The following PDS5B variants were observed in gnomAD, a reference collection of about 807,000 sequenced individuals.
PDS5B encodes the protein PDS5 cohesin associated factor B.
A neutral mutation model predicts 184.1 loss-of-function variants in PDS5B; 51 were observed. The ratio of observed to expected loss-of-function variants is 0.28; its 90% CI spans 0.22 to 0.35. PDS5B has a LOEUF of 0.35. Among genes scored for constraint, PDS5B ranks in the 10% least tolerant of loss-of-function variants. The probability of loss-of-function intolerance (pLI) is 1.00; values close to 1 mark genes in which losing one functional copy is unlikely to be tolerated. For synonymous variants in PDS5B, 566 were observed against 569.2 expected (o/e 0.99, Z 0.08); for missense variants, 1,180 against 1,723.3 (o/e 0.68, Z 5.58).
intron 7 of PDS5B, among the ~76,000 whole-genome samples, chr13:32,669,111 T>C (rs1950869819): frequency 6.6e-6 from 1 of 152,176 alleles, no homozygotes; most frequent in East Asian, 1.9e-4. Context: ...TTTTTCATCA[T>C]TGGCTTAGTG....
At chr13:32,645,046 G>A (rs1176434884) in intron 1 of PDS5B, among the ~76,000 whole-genome samples, 12 of 152,020 alleles carry the variant, frequency 7.9e-5, no homozygotes, top group Admixed American at 7.9e-4. Flanking sequence ...GACTCTCACT[G>A]TGTTGCCTAG....
chr13:32,681,235 C>G (rs1277259968), intron 10 of PDS5B, among the ~76,000 whole-genome samples: 1 of 152,110 alleles, frequency 6.6e-6, no homozygotes, highest in Non-Finnish European at 1.5e-5. Context: ...TCTCCCCTAG[C>G]TGAAATATGA....
At chr13:32,678,543 G>A (rs532315738) in intron 9 of PDS5B, among the ~76,000 whole-genome samples, 9 of 152,248 alleles carry the variant, frequency 5.9e-5, no homozygotes, top group East Asian at 1.9e-4. Context: ...AGAGTATAAC[G>A]TTGATAGGAA....
chr13:32,722,216 C>T (rs1247970295), intron 19 of PDS5B, among the ~76,000 whole-genome samples: 1 of 152,166 alleles, frequency 6.6e-6, no homozygotes. Flanking sequence ...ACCAGTCAGG[C>T]GTGGCGGCGC....
intron 21 of PDS5B, 107 bp downstream of exon 21, chr13:32,735,437 C>G (rs1301237232): frequency 1.4e-6 from 1 of 712,498 alleles, no homozygotes; most frequent in African/African-American, 1.8e-5. Context: ...ATTTGACTGC[C>G]TTGATTTTAG....
intron 33 of PDS5B, among the ~76,000 whole-genome samples, chr13:32,772,404 G>T (rs1954819682): frequency 6.6e-6 from 1 of 152,150 alleles, no homozygotes; most frequent in Non-Finnish European, 1.5e-5. Flanking sequence ...ACCATCTAAT[G>T]GAGTGAGGAA....
At chr13:32,673,464 G>C in intron 8 of PDS5B, 108 bp downstream of exon 8, 3 of 876,828 alleles carry the variant, frequency 3.4e-6, no homozygotes, top group Non-Finnish European at 3.4e-6. Flanking sequence ...AGAGATGAGG[G>C]GGAAGTATTA....
chr13:32,659,046 A>T, intron 5 of PDS5B, 108 bp from the exon 6 acceptor site: 1 of 632,458 alleles, frequency 1.6e-6, no homozygotes, highest in Non-Finnish European at 2.4e-6. Context: ...AATTTTATTT[A>T]ATATTTTAGT....
chr13:32,608,117 C>T (rs905430355), intron 1 of PDS5B, among the ~76,000 whole-genome samples: 2 of 152,194 alleles, frequency 1.3e-5, no homozygotes, highest in African/African-American at 4.8e-5. Flanking sequence ...CACCCGTGTT[C>T]TGCGTCGCTC....
At chr13:32,687,355 A>G (rs1374766170) in intron 12 of PDS5B, 70 bp downstream of exon 12, 2 of 1,207,610 alleles carry the variant, frequency 1.7e-6, no homozygotes, top group Non-Finnish European at 2.3e-6. Flanking sequence ...GTTTTATGCA[A>G]ACTATTTTCT....
At chr13:32,610,219 AGGTAATAC>A (rs1286651642) in intron 1 of PDS5B, among the ~76,000 whole-genome samples, 2 of 152,230 alleles carry the variant, frequency 1.3e-5, no homozygotes, top group East Asian at 3.8e-4. Flanking sequence ...AGGTACGTAT[AGGTAATAC>A]TTGGGAAGTT....
chr13:32,605,267 G>A (rs568384332), intron 1 of PDS5B, among the ~76,000 whole-genome samples: 1 of 152,242 alleles, frequency 6.6e-6, no homozygotes, highest in African/African-American at 2.4e-5. Flanking sequence ...CTGGTATGTT[G>A]TGTCTTTGTT....
In PDS5B at chr13:32,710,114, G is replaced by T; in HGVS notation, c.2123+8G>T. On this transcript the variant is annotated splice_region_variant and intron_variant, in intron 19 of 34. Coordinates refer to ENST00000315596, the MANE Select transcript of PDS5B (RefSeq NM_015032.4). Reference sequence around the variant, plus strand: ...TTTTCCACACATCAGATCGTGAGTTGAGTTTATTTTCAAAAATATTCTGGA... The same window carrying T: ...TTTTCCACACATCAGATCGTGAGTTTAGTTTATTTTCAAAAATATTCTGGA... 7.0e-7 allele frequency: 1 copy of T among 1,436,988 alleles called. No homozygotes were observed. The highest frequency in any genetic ancestry group is 1.7e-5 in the South Asian group (1 of 59,084). 89.0% of individuals were successfully genotyped at this position (1,436,988 alleles called of 1,614,324 possible).
intron 3 of PDS5B, among the ~76,000 whole-genome samples, chr13:32,655,374 A>ATATATATATATATATATTTTTTTTT: frequency 2.8e-5 from 2 of 72,482 alleles, no homozygotes; most frequent in African/African-American, 8.3e-5. Context: ...ATATATATAT[A>ATATATATATATATATATTTTTTTTT]TTTTTTTTTT....
chr13:32,628,145 A>T (rs1284017877), intron 1 of PDS5B, among the ~76,000 whole-genome samples: 1 of 152,220 alleles, frequency 6.6e-6, no homozygotes, highest in Non-Finnish European at 1.5e-5. Flanking sequence ...GATTGCTTTT[A>T]AAAAATACTT....
intron 19 of PDS5B, among the ~76,000 whole-genome samples, chr13:32,716,046 A>T (rs1952392563): frequency 2.1e-3 from 1 of 474 alleles, no homozygotes; most frequent in African/African-American, 9.6e-3. Flanking sequence ...TGGCCTCCCA[A>T]AGTGCCGAGA....
At chr13:32,721,917 C>T (rs1409140146) in intron 19 of PDS5B, among the ~76,000 whole-genome samples, 1 of 151,864 alleles carries the variant, frequency 6.6e-6, no homozygotes, top group Non-Finnish European at 1.5e-5. Flanking sequence ...AGACAATGGG[C>T]AGCCAGGCAG....
At chr13:32,606,814 T>C (rs2058067365) in intron 1 of PDS5B, among the ~76,000 whole-genome samples, 1 of 152,260 alleles carries the variant, frequency 6.6e-6, no homozygotes, top group South Asian at 2.1e-4. Flanking sequence ...TTCATTCATT[T>C]GATCTTCAAT....
intron 1 of PDS5B, among the ~76,000 whole-genome samples, chr13:32,621,466 CA>C (rs1485182078): frequency 6.6e-6 from 1 of 151,004 alleles, no homozygotes; most frequent in African/African-American, 2.4e-5. Context: ...GACCCTGTCT[CA>C]AAAAAAAGAG....
Sources: allele counts gnomAD v4.1 joint callset (sites outside exome capture counted in the v4.1 genomes callset), GRCh38; gene constraint gnomAD v4.1.1; transcripts MANE v1.5; gene names NCBI Gene and HGNC (gene_info 2026-07-23, HGNC 2026-07-21).